The following KCNJ16 variants were observed in gnomAD, a reference collection of about 807,000 sequenced individuals.
KCNJ16 encodes potassium inwardly rectifying channel subfamily J member 16.
A neutral mutation model predicts 18.5 loss-of-function variants in KCNJ16; 15 were observed. The observed-to-expected ratio is 0.81, with a 90% CI of 0.54 to 1.25. KCNJ16 has a LOEUF of 1.25. Ranked by LOEUF, KCNJ16 falls within the 50% of genes most tolerant of loss-of-function variation. The probability of loss-of-function intolerance (pLI) is 0.00; values close to 1 mark genes in which losing one functional copy is unlikely to be tolerated. For missense variants in KCNJ16, 523 were observed against 525.7 expected, an observed-to-expected ratio of 0.99 and a Z score of 0.05; for synonymous variants, 174 against 186.5, an observed-to-expected ratio of 0.93 and a Z score of 0.55.
At chr17:70,109,375 G>A (rs1182761334) in intron 2 of KCNJ16, among the ~76,000 whole-genome samples, 2 of 152,016 alleles carry the variant, frequency 1.3e-5, no homozygotes, top group African/African-American at 4.8e-5. Flanking sequence ...TTTCTCTCTG[G>A]CTGATAATTG....
intron 2 of KCNJ16, chr17:70,108,408 G>C (rs999145848): frequency 3.3e-5 from 5 of 152,160 alleles, no homozygotes; most frequent in Admixed American, 2.6e-4. Context: ...TGACATGAGG[G>C]GTAATGAGGG....
At chr17:70,096,884 A>C (rs2072400480) in intron 1 of KCNJ16, 1 of 398,170 alleles carries the variant, frequency 2.5e-6, no homozygotes. Flanking sequence ...TAGAGTGTAG[A>C]CCAACCTACA....
chr17:70,126,455 T>C (rs549617816), intron 2 of KCNJ16, among the ~76,000 whole-genome samples: 2 of 152,220 alleles, frequency 1.3e-5, no homozygotes, highest in Non-Finnish European at 2.9e-5. Flanking sequence ...CAATAATTAT[T>C]GAATGACTCT....
In KCNJ16 at chr17:70,134,501, G is replaced by A. The variant is rs920513262; in HGVS notation, c.*1157G>A. ...AAAGCGATTTGAATGCACAGTAAGT[G>A]GATAATCTGAGTACAATGAAATTTC... On this transcript the variant is annotated 3_prime_UTR_variant, in exon 4 of 4. Coordinates refer to ENST00000392671, the MANE Select transcript of KCNJ16 (RefSeq NM_170741.4). 1.1e-4 allele frequency: 19 copies of A among 167,022 alleles called. No individual in the cohort carries two copies. Among genetic ancestry groups the A allele is most frequent in the African/African-American group, 3.9e-4 (16 of 41,550 alleles). The allele number at this position is 167,022 out of a possible 1,614,324, so 10.3% of individuals were successfully genotyped here.
At chr17:70,124,821 C>T (rs899811794) in intron 2 of KCNJ16, among the ~76,000 whole-genome samples, 2 of 152,136 alleles carry the variant, frequency 1.3e-5, no homozygotes, top group African/African-American at 4.8e-5. Flanking sequence ...CCTTTAGGCT[C>T]GTTCCTAAAG....
At chr17:70,089,284 T>C (rs958160672) in intron 1 of KCNJ16, among the ~76,000 whole-genome samples, 1 of 152,202 alleles carries the variant, frequency 6.6e-6, no homozygotes, top group East Asian at 1.9e-4. Context: ...CTGAGGACTG[T>C]TCTACAGCAG....
intron 2 of KCNJ16, among the ~76,000 whole-genome samples, chr17:70,112,125 TG>T (rs2073212446): frequency 6.6e-6 from 1 of 152,192 alleles, no homozygotes; most frequent in African/African-American, 2.4e-5. Flanking sequence ...CAGGTGCCCC[TG>T]GGACCAAGAA....
At chr17:70,084,937 C>T (rs1246957894) in intron 1 of KCNJ16, among the ~76,000 whole-genome samples, 2 of 152,056 alleles carry the variant, frequency 1.3e-5, no homozygotes, top group African/African-American at 4.8e-5. Context: ...CTATTTCTTT[C>T]TTAGATTGTG....
intron 2 of KCNJ16, among the ~76,000 whole-genome samples, chr17:70,130,487 G>A (rs2074018218): frequency 6.6e-6 from 1 of 152,174 alleles, no homozygotes; most frequent in Non-Finnish European, 1.5e-5. Flanking sequence ...TGCCTTACGG[G>A]AGTTTGTGGC....
chr17:70,079,279 C>G (rs1194608365), intron 1 of KCNJ16, among the ~76,000 whole-genome samples: 1 of 152,168 alleles, frequency 6.6e-6, no homozygotes, highest in East Asian at 1.9e-4. Context: ...GAACTCCTTT[C>G]CCAGGAAATC....
At chr17:70,097,310 A>G (rs190441482) in intron 1 of KCNJ16, among the ~76,000 whole-genome samples, 1 of 152,284 alleles carries the variant, frequency 6.6e-6, no homozygotes, top group African/African-American at 2.4e-5. Context: ...TTTGGAGCAA[A>G]TATTTTGTGA....
intron 2 of KCNJ16, among the ~76,000 whole-genome samples, chr17:70,129,383 A>G (rs1217350111): frequency 6.6e-6 from 1 of 152,220 alleles, no homozygotes; most frequent in African/African-American, 2.4e-5. Context: ...TCAAATTAAC[A>G]CGAAATACTA....
chr17:70,099,730 T>C (rs2072539307), intron 1 of KCNJ16, among the ~76,000 whole-genome samples: 1 of 151,756 alleles, frequency 6.6e-6, no homozygotes, highest in South Asian at 2.1e-4. Flanking sequence ...TGTTTGGGAG[T>C]AGATACAAGG....
At chr17:70,088,597 GT>G (rs2143666663) in intron 1 of KCNJ16, among the ~76,000 whole-genome samples, 1 of 152,280 alleles carries the variant, frequency 6.6e-6, no homozygotes, top group African/African-American at 2.4e-5. Flanking sequence ...TGTCACCAGG[GT>G]TAATTCCAAA....
chr17:70,120,705 C>T (rs764029906), intron 2 of KCNJ16, among the ~76,000 whole-genome samples: 8 of 152,068 alleles, frequency 5.3e-5, no homozygotes, highest in Non-Finnish European at 8.8e-5. Flanking sequence ...AAGAACTGGT[C>T]GTGGTCATGA....
intron 1 of KCNJ16, among the ~76,000 whole-genome samples, chr17:70,097,905 C>T (rs968129379): frequency 1.1e-4 from 16 of 152,182 alleles, no homozygotes; most frequent in African/African-American, 3.6e-4. Flanking sequence ...TGACCTCCTC[C>T]TCACTTGTCT....
intron 1 of KCNJ16, among the ~76,000 whole-genome samples, chr17:70,097,823 T>C (rs1397253178): frequency 1.3e-5 from 2 of 152,140 alleles, no homozygotes; most frequent in East Asian, 3.9e-4. Context: ...TTCTTCTCTT[T>C]CCTTCATTAT....
rs181917046 is a variant in KCNJ16 at position 70,114,597 on chromosome 17, G to A, written c.-191+13831G>A. 2.9e-4 allele frequency among the ~76,000 whole-genome samples: 44 copies of A among 152,204 alleles called. No individual in the cohort carries two copies. In the East Asian group the frequency reaches 7.5e-3, roughly 26 times the overall value. On this transcript the variant is annotated intron_variant, in intron 2 of 3. Coordinates refer to ENST00000392671, the MANE Select transcript of KCNJ16 (RefSeq NM_170741.4). ...CCATGGAGAGTGTTATCATTCTGTT[G>A]AGAAACACAAAGCAGGTAACTAGTA...
chr17:70,110,264 T>A (rs2073129103), intron 2 of KCNJ16, among the ~76,000 whole-genome samples: 1 of 152,140 alleles, frequency 6.6e-6, no homozygotes, highest in South Asian at 2.1e-4. Context: ...ATCCTTCCCA[T>A]ATCTAATAAT....
Sources: gnomAD v4.1 joint callset for allele counts (sites outside exome capture counted in the v4.1 genomes callset) on GRCh38, gnomAD v4.1.1 for gene constraint, MANE v1.5 for transcripts, NCBI Gene and HGNC (gene_info 2026-07-23, HGNC 2026-07-21) for gene names.